Variants in NCKAP5 observed in about 807,000 individuals in gnomAD.
NCKAP5 encodes NCK associated protein 5, also known as nck-associated protein 5.
Under a neutral mutation model 167.0 loss-of-function variants are expected in NCKAP5, and 92 were observed. The observed-to-expected ratio is 0.55, with a 90% confidence interval of 0.47 to 0.66. The LOEUF (loss-of-function observed/expected upper bound fraction) is 0.66. Ranked by LOEUF, NCKAP5 falls within the 30% of genes least tolerant of loss-of-function variation. NCKAP5 has a pLI of 0.00. For missense variants in NCKAP5, 2,378 were observed against 2,315.0 expected (o/e 1.03, Z -0.56); for synonymous variants, 891 against 877.4 (o/e 1.02, Z -0.27).
chr2:132,738,803 A>AG (rs377460686), intron 16 of NCKAP5, among the ~76,000 whole-genome samples: 1 of 151,658 alleles, frequency 6.6e-6, no homozygotes, highest in African/African-American at 2.4e-5. Context: ...ATGGTGAGAG[A>AG]GGGGGGTGAG....
At chr2:133,049,377 C>T (rs2065021376) in intron 6 of NCKAP5, among the ~76,000 whole-genome samples, 1 of 151,894 alleles carries the variant, frequency 6.6e-6, no homozygotes, top group Admixed American at 6.6e-5. Flanking sequence ...AACCCCGTCT[C>T]TACTAAAATA....
In NCKAP5 at chr2:132,782,164, T is replaced by G. The variant is rs372961458; in HGVS notation, c.4647A>C (p.Ser1549=). ...VLGFGNRQLK[S]ERKKEKKKPE... is the part of the protein sequence containing the mutation. ...GCTTCTTTTTCTCTTTTTTTCTTTC[T>G]GATTTTAGTTGTCTGTTTCCAAACC... is the stretch of plus-strand genomic sequence containing the variant. The change falls in exon 14 of 20, where the codon TCA becomes TCC. Residue 1549 remains serine (S), a synonymous_variant. Coordinates refer to ENST00000409261, the MANE Select transcript of NCKAP5 (RefSeq NM_207363.3). 3 of 1,608,784 alleles carry G rather than the reference T, an allele frequency of 1.9e-6. No individual in the cohort carries two copies. Among genetic ancestry groups the G allele is most frequent in the South Asian group, 2.2e-5 (2 of 89,460 alleles).
chr2:133,267,370 A>G (rs1336321798), intron 4 of NCKAP5: 1 of 152,220 alleles, frequency 6.6e-6, no homozygotes, highest in Non-Finnish European at 1.5e-5. Context: ...TCTTAATCTT[A>G]TCATGGAGCT....
chr2:132,751,027 A>G (rs1680063961), intron 16 of NCKAP5, among the ~76,000 whole-genome samples: 1 of 152,152 alleles, frequency 6.6e-6, no homozygotes, highest in Admixed American at 6.5e-5. Flanking sequence ...TCTGAAAGAC[A>G]CAGCTCAGCC....
intron 16 of NCKAP5, among the ~76,000 whole-genome samples, chr2:132,737,118 A>T (rs1207466755): frequency 1.3e-5 from 2 of 152,182 alleles, no homozygotes; most frequent in Admixed American, 1.3e-4. Flanking sequence ...GTTGTATCGC[A>T]CATAGGAAAT....
chr2:133,336,121 C>T (rs528250861), intron 3 of NCKAP5, among the ~76,000 whole-genome samples: 1 of 152,042 alleles, frequency 6.6e-6, no homozygotes, highest in African/African-American at 2.4e-5. Flanking sequence ...ACCGAAATAG[C>T]CATTATTTCT....
chr2:132,939,958 C>T (rs771076021), intron 8 of NCKAP5, among the ~76,000 whole-genome samples: 2 of 152,070 alleles, frequency 1.3e-5, no homozygotes, highest in Admixed American at 6.6e-5. Flanking sequence ...TGAGATTGCA[C>T]CACTGCACTC....
chr2:133,441,323 G>C (rs1430998731), intron 3 of NCKAP5, among the ~76,000 whole-genome samples: 2 of 152,196 alleles, frequency 1.3e-5, no homozygotes, highest in East Asian at 3.8e-4. Context: ...CTTTTCCAGA[G>C]GGTCTGAATA....
chr2:132,779,535 A>G (rs530249805), intron 15 of NCKAP5, among the ~76,000 whole-genome samples: 1 of 152,112 alleles, frequency 6.6e-6, no homozygotes, highest in South Asian at 2.1e-4. Context: ...AATGCAGGGG[A>G]CATCTGTGTT....
At chr2:132,874,220 T>A (rs1691075884) in intron 9 of NCKAP5, among the ~76,000 whole-genome samples, 1 of 151,328 alleles carries the variant, frequency 6.6e-6, no homozygotes, top group Non-Finnish European at 1.5e-5. Context: ...GTGATTCTCC[T>A]GCTTCAGCCT....
intron 8 of NCKAP5, among the ~76,000 whole-genome samples, chr2:132,891,276 C>A (rs145052263): frequency 3.9e-4 from 60 of 152,250 alleles, no homozygotes; most frequent in African/African-American, 1.3e-3. Context: ...CATTTGGATT[C>A]AGGGCACCTA....
At chr2:132,938,893 G>A (rs1252953761) in intron 8 of NCKAP5, among the ~76,000 whole-genome samples, 3 of 151,876 alleles carry the variant, frequency 2.0e-5, no homozygotes, top group Non-Finnish European at 4.4e-5. Context: ...CCCAGCCCCC[G>A]CCCATTCATT....
intron 4 of NCKAP5, among the ~76,000 whole-genome samples, chr2:133,269,780 G>A (rs6753557): frequency 0.99 from 150,263 of 152,344 alleles, 74,113 homozygotes; most frequent in East Asian, 1. Flanking sequence ...GCAGAGAAGG[G>A]AGCAGGGAGA....
intron 16 of NCKAP5, among the ~76,000 whole-genome samples, chr2:132,758,044 C>T (rs938404325): frequency 3.3e-5 from 5 of 152,196 alleles, no homozygotes; most frequent in Admixed American, 6.5e-5. Flanking sequence ...TCGCCAATCC[C>T]GAAATCCTCC....
intron 3 of NCKAP5, among the ~76,000 whole-genome samples, chr2:133,440,710 A>AG (rs1690788395): frequency 2.4e-5 from 1 of 41,064 alleles, no homozygotes; most frequent in Non-Finnish European, 4.1e-5. Flanking sequence ...ACTCTGTCTC[A>AG]AAAAAAAAAA....
chr2:133,567,339 C>T (rs531080287), intron 1 of NCKAP5, among the ~76,000 whole-genome samples: 1 of 152,300 alleles, frequency 6.6e-6, no homozygotes, highest in East Asian at 1.9e-4. Context: ...CCAGCCGGTG[C>T]AGGTGGGATA....
chr2:132,928,409 A>G (rs1039762493), intron 8 of NCKAP5, among the ~76,000 whole-genome samples: 2 of 152,110 alleles, frequency 1.3e-5, no homozygotes, highest in Non-Finnish European at 2.9e-5. Flanking sequence ...GGTTTCCTTA[A>G]CAAAGACATG....
At chr2:133,604,426 G>A in the NCKAP5 span, among the ~76,000 whole-genome samples, 5 of 151,998 alleles carry the variant, frequency 3.3e-5, no homozygotes, top group East Asian at 1.9e-4. Flanking sequence ...GGCTGGTCTC[G>A]AACTCCTGAT....
chr2:132,792,037 C>CTGCTTTGTTT (rs146856081), intron 12 of NCKAP5, among the ~76,000 whole-genome samples: 2 of 150,924 alleles, frequency 1.3e-5, no homozygotes, highest in Non-Finnish European at 3.0e-5. Context: ...TTGAGATGCT[C>CTGCTTTGTTT]TGTTTTGTTT....
Sources: allele counts gnomAD v4.1 joint callset (sites outside exome capture counted in the v4.1 genomes callset), GRCh38; gene constraint gnomAD v4.1.1; transcripts MANE v1.5; gene names NCBI Gene and HGNC (gene_info 2026-07-23, HGNC 2026-07-21).